The following SKIL variants were observed in gnomAD, a reference collection of about 807,000 sequenced individuals.
SKIL encodes SKI like proto-oncogene, also known as ski-like protein.
A neutral mutation model predicts 69.6 loss-of-function variants in SKIL; 20 were observed. That is an observed-to-expected ratio of 0.29 (90% CI 0.20 to 0.42). The LOEUF is 0.42. Ranked by LOEUF, SKIL falls within the 10% of genes least tolerant of loss-of-function variation. The pLI, the probability that SKIL is intolerant of heterozygous loss-of-function variation, is 1.00. For missense variants in SKIL, 745 were observed against 783.1 expected (o/e 0.95, Z 0.58); for synonymous variants, 310 against 279.9 (o/e 1.11, Z -1.08).
Position 170,360,336 on chromosome 3 carries a change from A to C in SKIL, c.5A>C (p.Glu2Ala). 1 of 1,551,274 alleles carries C rather than the reference A, an allele frequency of 6.4e-7. No homozygotes were observed. ...TATTTAACAGAAGAGTGTACCATGGAAAACCTCCAGACAAATTTCTCCTTG... is the reference window on the plus strand; with the variant it reads ...TATTTAACAGAAGAGTGTACCATGGCAAACCTCCAGACAAATTTCTCCTTG... M[E>A]NLQTNFSLVQ... is the part of the protein sequence containing the mutation. Residue 2 changes from glutamate to alanine, a missense_variant, in exon 2 of 7, where the codon GAA becomes GCA. Physicochemically the swap from Glu to Ala is moderately radical, Grantham distance 107 (BLOSUM62 -1). Transcript: ENST00000259119.
In SKIL at chr3:170,390,450, C is replaced by G. The variant is rs534892801; in HGVS notation, c.1657C>G (p.Gln553Glu). The G allele has an allele frequency of 6.2e-7, 1 of 1,608,768 alleles. No homozygotes were observed. The highest frequency in any genetic ancestry group is 2.2e-5 in the East Asian group (1 of 44,856). ...EKLNLILQKK[Q>E]QLQMEVKMLS... ...ACTAAACTTGATTTTGCAAAAGAAG[C>G]AACAACTTCAGATGGTAAAATTGTT... Residue 553 changes from glutamine (Q) to glutamate (E), a missense_variant, in exon 5 of 7, where the codon CAA (glutamine) becomes GAA (glutamate). Transcript: ENST00000259119.
chr3:170,396,312 C>A lies in SKIL; in HGVS notation c.*3895C>A, dbSNP rs980964264. ...GTAAACATGTCCTAGAAAACAGTTG[C>A]TAAATGTAGGACATCTTTTGAGGAA... On this transcript the variant is annotated 3_prime_UTR_variant, in exon 7 of 7. Transcript: ENST00000259119. The A allele has an allele frequency of 6.6e-5, 10 of 152,006 alleles. No individual in the cohort carries two copies. Among genetic ancestry groups the A allele is most frequent in the African/African-American group, 2.2e-4 (9 of 41,416 alleles). 9.4% of individuals were successfully genotyped at this position (152,006 alleles called of 1,614,324 possible).
chr3:170,392,519 A>G lies in SKIL; in HGVS notation c.*102A>G, dbSNP rs1372465436. The G allele has an allele frequency of 1.5e-6, 1 of 645,428 alleles. No individual in the cohort carries two copies. The highest frequency in any genetic ancestry group is 2.6e-6 in the Non-Finnish European group (1 of 383,968). 40.0% of individuals were successfully genotyped at this position (645,428 alleles called of 1,614,324 possible). A position where few individuals can be genotyped will look rare whatever the true frequency, so the allele number is the denominator to read the frequency against. On this transcript the variant is annotated 3_prime_UTR_variant, in exon 7 of 7. Coordinates refer to ENST00000259119, the MANE Select transcript of SKIL (RefSeq NM_005414.5). ...TGAAGAATTTATCTGCATGACGATA[A>G]CTAGGCATTCTATCCATTTGTAGAT...
chr3:170,364,175 A>T (rs559785465), intron 2 of SKIL, among the ~76,000 whole-genome samples: 1 of 151,326 alleles, frequency 6.6e-6, no homozygotes, highest in African/African-American at 2.4e-5. Flanking sequence ...CTGGCCTCGA[A>T]CTCCTGAGCT....
At chr3:170,366,651 CAG>C (rs1423098266) in intron 2 of SKIL, among the ~76,000 whole-genome samples, 1 of 151,424 alleles carries the variant, frequency 6.6e-6, no homozygotes, top group African/African-American at 2.4e-5. Flanking sequence ...TCCTGGGTGA[CAG>C]AGTGAAACTC....
At chr3:170,384,432 G>GA (rs915736449) in intron 3 of SKIL, 101 bp from the exon 4 acceptor site, 3,494 of 526,766 alleles carry the variant, frequency 6.6e-3, no homozygotes, top group South Asian at 0.013. Context: ...GTTTTGGTTA[G>GA]AAAAAAAAAA....
chr3:170,367,970 T>G (rs776110877), intron 2 of SKIL, among the ~76,000 whole-genome samples: 62 of 152,226 alleles, frequency 4.1e-4, no homozygotes, highest in Non-Finnish European at 7.6e-4. Flanking sequence ...TCGTTTCACT[T>G]CTTCATTTCT....
chr3:170,381,121 G>A lies in SKIL; in HGVS notation c.1099-123G>A, dbSNP rs572357035. The A allele has an allele frequency of 4.3e-5, 27 of 621,460 alleles. No homozygotes were observed. In the East Asian group the frequency reaches 5.7e-4, roughly 13 times the overall value. 38.5% of individuals were successfully genotyped at this position (621,460 alleles called of 1,614,324 possible). On this transcript the variant is annotated intron_variant, in intron 2 of 6. Transcript: ENST00000259119. Reference sequence around the variant, plus strand: ...GGAATACAGGTGTGAACCACTGTGCGTGGCATGATGACTCTTAAATAATGT... The same window carrying A: ...GGAATACAGGTGTGAACCACTGTGCATGGCATGATGACTCTTAAATAATGT...
intron 4 of SKIL, among the ~76,000 whole-genome samples, chr3:170,387,068 A>G (rs1737669100): frequency 6.6e-6 from 1 of 151,748 alleles, no homozygotes; most frequent in Non-Finnish European, 1.5e-5. Flanking sequence ...CCCAGGCTAG[A>G]GTGCAGTGGG....
At chr3:170,384,055 C>G (rs1056976290) in intron 3 of SKIL, among the ~76,000 whole-genome samples, 3 of 147,676 alleles carry the variant, frequency 2.0e-5, no homozygotes, top group African/African-American at 7.5e-5. Flanking sequence ...AAAAAAAACA[C>G]GAAATTACTT....
Position 170,360,829 on chromosome 3 carries a change from T to C in SKIL, c.498T>C (p.Cys166=), listed in dbSNP as rs1022794850. The C allele has an allele frequency of 2.5e-6, 4 of 1,614,196 alleles. No homozygotes were observed. Among genetic ancestry groups the C allele is most frequent in the Non-Finnish European group, 3.4e-6 (4 of 1,180,040 alleles). The change falls in exon 2 of 7, where the codon TGT becomes TGC. Residue 166 remains cysteine (C), a synonymous_variant. Transcript: ENST00000259119. ...AAGTTGGAGGAGAAAAGAGACTCTG[T>C]TTGCCCCAAGTCTTAAATTCTGTTC... ...CFQVGGEKRL[C]LPQVLNSVLR...
chr3:170,386,312 T>G (rs1214632861), intron 4 of SKIL, among the ~76,000 whole-genome samples: 1 of 151,296 alleles, frequency 6.6e-6, no homozygotes, highest in Non-Finnish European at 1.5e-5. Flanking sequence ...GTATTTTTAG[T>G]AGACACGGGG....
rs772206073 is a variant in SKIL, at chr3:170,381,241, C to T, written c.1099-3C>T. ...AATGTTTCCCTTCCATGTTTTTCTG[C>T]AGACAGATGCACCATCAGGAATGGA... On this transcript the variant is annotated splice_polypyrimidine_tract_variant and splice_region_variant and intron_variant, in intron 2 of 6. Transcript: ENST00000259119. 1.3e-6 allele frequency: 2 copies of T among 1,508,660 alleles called. No homozygotes were observed. Among genetic ancestry groups the T allele is most frequent in the Admixed American group, 1.7e-5 (1 of 59,540 alleles). The allele number at this position is 1,508,660 out of a possible 1,614,324, so 93.5% of individuals were successfully genotyped here. A position where few individuals can be genotyped will look rare whatever the true frequency, so the allele number is the denominator to read the frequency against.
At chr3:170,386,219 C>T (rs1262987531) in intron 4 of SKIL, among the ~76,000 whole-genome samples, 5 of 150,282 alleles carry the variant, frequency 3.3e-5, no homozygotes, top group South Asian at 2.1e-4. Context: ...CAATCTCCGC[C>T]TCCCAGGTTC....
chr3:170,382,355 T>C (rs1025874323), intron 3 of SKIL, among the ~76,000 whole-genome samples: 1 of 152,114 alleles, frequency 6.6e-6, no homozygotes, highest in African/African-American at 2.4e-5. Context: ...TCTCCTTTAA[T>C]TTCTTACTTT....
intron 2 of SKIL, among the ~76,000 whole-genome samples, chr3:170,373,205 C>T (rs115598816): frequency 0.014 from 2,167 of 152,084 alleles, 57 homozygotes; most frequent in African/African-American, 0.05. Flanking sequence ...CTTGCTATGT[C>T]GCCCAGGCTG....
At chr3:170,379,136 C>T (rs140171352) in intron 2 of SKIL, among the ~76,000 whole-genome samples, 105 of 136,722 alleles carry the variant, frequency 7.7e-4, no homozygotes, top group Non-Finnish European at 1.1e-3. Flanking sequence ...CGTACCACCA[C>T]GCCCAGCTAA....
intron 2 of SKIL, among the ~76,000 whole-genome samples, chr3:170,364,417 A>G (rs1483739002): frequency 6.9e-6 from 1 of 145,914 alleles, no homozygotes; most frequent in African/African-American, 2.6e-5. Context: ...TCCACCTCCC[A>G]GATTCAAGTG....
At position 170,384,691 on chromosome 3, in the gene SKIL, C is replaced by G; in HGVS notation, c.1355C>G (p.Ser452Cys). 1 of 1,613,058 alleles carries G rather than the reference C, an allele frequency of 6.2e-7. No individual in the cohort carries two copies. The highest frequency in any genetic ancestry group is 8.5e-7 in the Non-Finnish European group (1 of 1,179,200). The change falls in exon 4 of 7, where the codon TCT becomes TGT. Residue 452 changes from serine to cysteine, a missense_variant. Coordinates refer to ENST00000259119, the MANE Select transcript of SKIL (RefSeq NM_005414.5). Reference sequence around the variant, plus strand: ...AGTGGTAAACTTCAAAAAACAGTGTCTTATCCAGATGTCTCACTTGAGGAA... The same window carrying G: ...AGTGGTAAACTTCAAAAAACAGTGTGTTATCCAGATGTCTCACTTGAGGAA... Reference protein sequence around the residue: ...HSSGKLQKTVSYPDVSLEEQE... With the variant: ...HSSGKLQKTVCYPDVSLEEQE...
Sources: allele counts gnomAD v4.1 joint callset (sites outside exome capture counted in the v4.1 genomes callset), GRCh38; gene constraint gnomAD v4.1.1; transcripts MANE v1.5; gene names NCBI Gene and HGNC (gene_info 2026-07-23, HGNC 2026-07-21).